XDH: variants seen among roughly 807,000 people sequenced by gnomAD.
The protein encoded by XDH is xanthine dehydrogenase, also known as xanthine dehydrogenase/oxidase.
A neutral mutation model predicts 156.1 loss-of-function variants in XDH; 138 were observed. That is an observed-to-expected ratio of 0.88 (90% confidence interval 0.77 to 1.02). XDH has a LOEUF of 1.02. Ranked by LOEUF, XDH falls within the 50% of genes least tolerant of loss-of-function variation. The pLI is 0.00. For synonymous variants in XDH, 669 were observed against 625.7 expected, an observed-to-expected ratio of 1.07 and a Z score of -1.03; for missense variants, 1,849 against 1,684.9, an observed-to-expected ratio of 1.10 and a Z score of -1.71.
chr2:31,410,741 TA>T (rs1037922997), intron 1 of XDH, among the ~76,000 whole-genome samples: 4 of 151,332 alleles, frequency 2.6e-5, no homozygotes, highest in Admixed American at 1.3e-4. Flanking sequence ...AGGAACATTC[TA>T]AAAAAAAACT....
At chr2:31,367,306 G>T (rs1222526221) in intron 20 of XDH, among the ~76,000 whole-genome samples, 2 of 152,168 alleles carry the variant, frequency 1.3e-5, no homozygotes, top group African/African-American at 4.8e-5. Context: ...GTAAAATTTT[G>T]GAAAAAGTAA....
intron 24 of XDH, among the ~76,000 whole-genome samples, chr2:31,354,747 G>A (rs531643019): frequency 3.9e-5 from 6 of 152,082 alleles, no homozygotes; most frequent in African/African-American, 1.4e-4. Flanking sequence ...ACTATATTGA[G>A]AATATGGAAT....
At chr2:31,359,341 A>G (rs1227303582) in intron 24 of XDH, among the ~76,000 whole-genome samples, 4 of 152,036 alleles carry the variant, frequency 2.6e-5, no homozygotes, top group Non-Finnish European at 4.4e-5. Flanking sequence ...TGCCAACTCT[A>G]TAGACATGTT....
chr2:31,408,537 A>C (rs1312502590), intron 1 of XDH, among the ~76,000 whole-genome samples: 1 of 152,266 alleles, frequency 6.6e-6, no homozygotes, highest in Non-Finnish European at 1.5e-5. Flanking sequence ...GCTATAATAC[A>C]TTAAATACAA....
chr2:31,372,157 A>G, intron 17 of XDH, 71 bp downstream of exon 17: 2 of 1,610,732 alleles, frequency 1.2e-6, no homozygotes, highest in South Asian at 2.2e-5. Flanking sequence ...GCAGGGTGAG[A>G]GAAGTCTCCT....
At chr2:31,339,161 G>A (rs1311529541) in intron 34 of XDH, among the ~76,000 whole-genome samples, 1 of 152,104 alleles carries the variant, frequency 6.6e-6, no homozygotes, top group African/African-American at 2.4e-5. Flanking sequence ...CATCTCTTAG[G>A]ATCAAGCACC....
At chr2:31,381,152 C>T (rs1020307131) in intron 12 of XDH, among the ~76,000 whole-genome samples, 1 of 152,098 alleles carries the variant, frequency 6.6e-6, no homozygotes, top group Non-Finnish European at 1.5e-5. Flanking sequence ...CACACCACCA[C>T]ACCCAGCTAA....
At chr2:31,376,274 T>C (rs1686242000) in intron 14 of XDH, among the ~76,000 whole-genome samples, 1 of 150,704 alleles carries the variant, frequency 6.6e-6, no homozygotes, top group Non-Finnish European at 1.5e-5. Context: ...GTAATAGTCA[T>C]AGAAGCAGTT....
chr2:31,353,583 A>G (rs1183977872), intron 24 of XDH, among the ~76,000 whole-genome samples: 2 of 152,212 alleles, frequency 1.3e-5, no homozygotes, highest in Non-Finnish European at 2.9e-5. Flanking sequence ...TGCCTCATCT[A>G]TATATCCCAG....
At chr2:31,410,033 A>G (rs1006203493) in intron 1 of XDH, among the ~76,000 whole-genome samples, 2 of 152,276 alleles carry the variant, frequency 1.3e-5, no homozygotes, top group Admixed American at 6.5e-5. Flanking sequence ...TGATACATCC[A>G]TACAATGGAA....
chr2:31,377,604 C>T (rs1272012461), intron 13 of XDH, among the ~76,000 whole-genome samples: 1 of 152,134 alleles, frequency 6.6e-6, no homozygotes, highest in Admixed American at 6.5e-5. Context: ...TACCCTGGTG[C>T]CCACTATCAG....
intron 10 of XDH, 27 bp from the exon 11 acceptor site, chr2:31,383,179 C>A (rs776166670): frequency 6.2e-7 from 1 of 1,614,090 alleles, no homozygotes; most frequent in East Asian, 2.2e-5. Context: ...GGAATCACAG[C>A]AATTCTTCCC....
intron 6 of XDH, among the ~76,000 whole-genome samples, chr2:31,389,815 T>C (rs1686714356): frequency 6.6e-6 from 1 of 152,000 alleles, no homozygotes; most frequent in South Asian, 2.1e-4. Context: ...CTTTACTAAA[T>C]AGGCTAAGGC....
rs779540077 is a variant in XDH, at chr2:31,370,528, G to C, written c.1857-50C>G. 4.5e-5 allele frequency: 72 copies of C among 1,610,892 alleles called. 1 individual carries two copies. Among genetic ancestry groups the C allele is most frequent in the Non-Finnish European group, 6.1e-5 (72 of 1,178,290 alleles). On this transcript the variant is annotated intron_variant, in intron 17 of 35. Coordinates refer to ENST00000379416, the MANE Select transcript of XDH (RefSeq NM_000379.4). ...GCCAGGTCAGCAAGCTGGAGCAGGG[G>C]ACCCATCACCTGGTTGGACAACCCT...
chr2:31,345,919 C>T (rs1265424196), intron 30 of XDH, among the ~76,000 whole-genome samples: 1 of 152,000 alleles, frequency 6.6e-6, no homozygotes, highest in Non-Finnish European at 1.5e-5. Flanking sequence ...TGCTAAAACC[C>T]AACTACCAAA....
In XDH at chr2:31,348,356, G is replaced by A. The variant is rs536923494; in HGVS notation, c.3059C>T (p.Ala1020Val). The A allele has an allele frequency of 2.0e-5, 32 of 1,614,150 alleles. 2 individuals are homozygous for A. The African/African-American group carries it at 2.7e-4, about 13-fold the overall frequency. The part of the protein sequence containing the change: ...FTVPFLNQAG[A>V]LLHVYTDGSV... ...GCCATCTGTGTACACATGAAGTAGG[G>A]CTCCTGCCTAGGGAAAGAGAAGGAT... The change falls in exon 28 of 36, where the codon GCC becomes GTC. Residue 1020 changes from alanine (A) to valine (V), a missense_variant. By Grantham distance (64) the Ala-to-Val change is moderately conservative. Coordinates refer to ENST00000379416, the MANE Select transcript of XDH (RefSeq NM_000379.4).
At chr2:31,411,796 T>C (rs1687350136) in intron 1 of XDH, among the ~76,000 whole-genome samples, 1 of 152,248 alleles carries the variant, frequency 6.6e-6, no homozygotes, top group African/African-American at 2.4e-5. Context: ...TATTACTTTG[T>C]CTAATTATAA....
At chr2:31,362,090 C>T (rs1685794613) in intron 24 of XDH, among the ~76,000 whole-genome samples, 1 of 151,986 alleles carries the variant, frequency 6.6e-6, no homozygotes, top group Non-Finnish European at 1.5e-5. Flanking sequence ...TTTACAATTA[C>T]AAATGAGCAC....
chr2:31,347,229 T>C (rs1219275898), intron 29 of XDH, among the ~76,000 whole-genome samples: 1 of 152,238 alleles, frequency 6.6e-6, no homozygotes, highest in Non-Finnish European at 1.5e-5. Context: ...CATTGTCCTA[T>C]TGCTAGCTCC....
Sources: gnomAD v4.1 joint callset for allele counts (sites outside exome capture counted in the v4.1 genomes callset) on GRCh38, gnomAD v4.1.1 for gene constraint, MANE v1.5 for transcripts, NCBI Gene and HGNC (gene_info 2026-07-23, HGNC 2026-07-21) for gene names.